Variants in CGB7 observed in about 807,000 individuals in gnomAD.
The protein encoded by CGB7 is chorionic gonadotropin subunit beta 7, also known as choriogonadotropin subunit beta 7.
CGB7 carries 6 observed loss-of-function variants against 7.3 expected under a neutral mutation model. The ratio of observed to expected loss-of-function variants is 0.82; its 90% CI spans 0.45 to 1.62. The LOEUF (loss-of-function observed/expected upper bound fraction) is 1.62, where lower values mean the gene tolerates loss of function less well. Among genes scored for constraint, CGB7 ranks in the 40% most tolerant of loss-of-function variants. CGB7 has a pLI of 0.01. For synonymous variants in CGB7, 47 were observed against 100.8 expected (o/e 0.47, Z 3.20); for missense variants, 114 against 236.2 (o/e 0.48, Z 3.39).
chr19:49,055,222 C>G, intron 3 of CGB7, 139 bp downstream of exon 3: 1 of 1,595,098 alleles, frequency 6.3e-7, no homozygotes, highest in Non-Finnish European at 8.5e-7. Context: ...CCCTCAGGAA[C>G]TGCCCCACGT....
rs1054201573 is a variant in CGB7 at position 49,055,560 on chromosome 19, G to C, written c.-185C>G. On this transcript the variant is annotated 5_prime_UTR_variant, in exon 3 of 5. Transcript: ENST00000684222. ...GGAGCACCCCAGTCCTCTCCCCTCA[G>C]TGGTCTAGCGCCAAGGATGAGGCGG... is the stretch of plus-strand genomic sequence containing the variant. 1.0e-4 allele frequency: 158 copies of C among 1,532,428 alleles called. 8 individuals carry two copies. In the South Asian group the frequency reaches 1.8e-3, roughly 18 times the overall value. 94.9% of individuals were successfully genotyped at this position (1,532,428 alleles called of 1,614,324 possible). A position where few individuals can be genotyped will look rare whatever the true frequency, so the allele number is the denominator to read the frequency against.
intron 3 of CGB7, 55 bp downstream of exon 3, chr19:49,055,306 T>C (rs1414131717): frequency 4.4e-6 from 7 of 1,608,576 alleles, no homozygotes; most frequent in South Asian, 2.2e-5. Flanking sequence ...CCCCTTCTCA[T>C]GCCAGTGATG....
At position 49,056,194 on chromosome 19, in the gene CGB7, A is replaced by G. The variant is rs1274169564; in HGVS notation, c.-819T>C. 8.7e-6 allele frequency: 11 copies of G among 1,271,220 alleles called. No individual in the cohort carries two copies. The highest frequency in any genetic ancestry group is 2.2e-4 in the Middle Eastern group (1 of 4,620). 78.7% of individuals were successfully genotyped at this position (1,271,220 alleles called of 1,614,324 possible). A position where few individuals can be genotyped will look rare whatever the true frequency, so the allele number is the denominator to read the frequency against. ...AGCCCACCTAGGTCCGACACCGCGT[A>G]GTGAGCGGCTGCCCAGAGCTCTGCT... On this transcript the variant is annotated 5_prime_UTR_variant, in exon 3 of 5. Coordinates refer to ENST00000684222, the MANE Select transcript of CGB7 (RefSeq NM_001385261.1).
rs529178424 is a variant in CGB7 at position 49,054,445 on chromosome 19, C to T, written c.344G>A (p.Arg115His). 1.1e-5 allele frequency: 17 copies of T among 1,594,274 alleles called. No homozygotes were observed. The highest frequency in any genetic ancestry group is 5.5e-5 in the African/African-American group (4 of 73,218). Reference sequence around the variant, plus strand: ...GGGACCCCCGCAGTCAGTGGTGCTGCGGCGGCAGAGTGCACATTGACAGCT... The same window carrying T: ...GGGACCCCCGCAGTCAGTGGTGCTGTGGCGGCAGAGTGCACATTGACAGCT... ...ALSCQCALCR[R>H]STTDCGGPKD... The change falls in exon 5 of 5, where the codon CGC becomes CAC. Residue 115 changes from arginine to histidine, a missense_variant. Physicochemically the swap from Arg to His is conservative, Grantham distance 29. Coordinates refer to ENST00000684222, the MANE Select transcript of CGB7 (RefSeq NM_001385261.1).
Position 49,055,733 on chromosome 19 carries a change from G to A in CGB7, c.-358C>T, listed in dbSNP as rs2040052014. 3.3e-6 allele frequency: 4 copies of A among 1,223,702 alleles called. No individual in the cohort carries two copies. The highest frequency in any genetic ancestry group is 4.1e-6 in the Non-Finnish European group (4 of 969,696). The allele number at this position is 1,223,702 out of a possible 1,614,324, so 75.8% of individuals were successfully genotyped here. ...AGGAGGAGGCCGTGACCCGAGAAAGGTGCTGGACTGAAGCCTCAACCCTCC... is the reference window on the plus strand; with the variant it reads ...AGGAGGAGGCCGTGACCCGAGAAAGATGCTGGACTGAAGCCTCAACCCTCC... On this transcript the variant is annotated 5_prime_UTR_variant, in exon 3 of 5. Transcript: ENST00000684222.
In CGB7 at chr19:49,056,156, C is replaced by G; in HGVS notation, c.-781G>C. On this transcript the variant is annotated 5_prime_UTR_variant, in exon 3 of 5. Coordinates refer to ENST00000684222, the MANE Select transcript of CGB7 (RefSeq NM_001385261.1). ...GTCCTGTCCCCACACTGCGGATAGA[C>G]TTAATGAGTGCGAGCCCACCTAGGT... 1 of 1,237,196 alleles carries G rather than the reference C, an allele frequency of 8.1e-7. No individual in the cohort carries two copies. Among genetic ancestry groups the G allele is most frequent in the Non-Finnish European group, 1.0e-6 (1 of 961,358 alleles). The allele number at this position is 1,237,196 out of a possible 1,614,324, so 76.6% of individuals were successfully genotyped here.
chr19:49,057,214 G>A lies in CGB7; in HGVS notation c.-1314C>T. On this transcript the variant is annotated 5_prime_UTR_variant, in exon 2 of 5. Transcript: ENST00000684222. ...GTCGGATACTGTGAAGGGTGGGCCA[G>A]ACAGCGCGGGGTTCTTCGTGCAGGC... 1 of 1,534,216 alleles carries A rather than the reference G, an allele frequency of 6.5e-7. No individual in the cohort carries two copies. The highest frequency in any genetic ancestry group is 1.2e-5 in the South Asian group (1 of 84,008).
Position 49,055,653 on chromosome 19 carries a change from C to T in CGB7, c.-278G>A. 7.2e-7 allele frequency: 1 copy of T among 1,394,264 alleles called. No homozygotes were observed. The highest frequency in any genetic ancestry group is 9.3e-7 in the Non-Finnish European group (1 of 1,072,912). 86.4% of individuals were successfully genotyped at this position (1,394,264 alleles called of 1,614,324 possible). A position where few individuals can be genotyped will look rare whatever the true frequency, so the allele number is the denominator to read the frequency against. Reference sequence around the variant, plus strand: ...TAGGGACTAGTCGAGGCTGGAGGCACAGAGAGTAGGGTGTAGGAAGGCCTG... The same window carrying T: ...TAGGGACTAGTCGAGGCTGGAGGCATAGAGAGTAGGGTGTAGGAAGGCCTG... On this transcript the variant is annotated 5_prime_UTR_variant, in exon 3 of 5. It adds an upstream start codon to the 5' untranslated region. Transcript: ENST00000684222.
chr19:49,055,522 G>T lies in CGB7; in HGVS notation c.-147C>A. On this transcript the variant is annotated 5_prime_UTR_variant, in exon 3 of 5. It adds an upstream start codon to the 5' untranslated region. Transcript: ENST00000684222. ...AAGTAGACAAGGCCAGGGAGGCACA[G>T]GAGTGGCTCAGCGGAGCACCCCAGT... 1.3e-6 allele frequency: 2 copies of T among 1,586,016 alleles called. No homozygotes were observed. Among genetic ancestry groups the T allele is most frequent in the East Asian group, 2.2e-5 (1 of 44,652 alleles).
chr19:49,055,293 C>T (rs553181387), intron 3 of CGB7, 68 bp downstream of exon 3: 4 of 1,608,472 alleles, frequency 2.5e-6, no homozygotes, highest in East Asian at 2.2e-5. Flanking sequence ...TCACACTGGT[C>T]TGCCCCTTCT....
At position 49,056,309 on chromosome 19, in the gene CGB7, T is replaced by C. The variant is rs1355090717; in HGVS notation, c.-934A>G. The C allele has an allele frequency of 1.5e-6, 2 of 1,293,334 alleles. No homozygotes were observed. Among genetic ancestry groups the C allele is most frequent in the East Asian group, 1.1e-4 (2 of 18,334 alleles). The allele number at this position is 1,293,334 out of a possible 1,614,324, so 80.1% of individuals were successfully genotyped here. A position where few individuals can be genotyped will look rare whatever the true frequency, so the allele number is the denominator to read the frequency against. On this transcript the variant is annotated 5_prime_UTR_variant, in exon 3 of 5. Transcript: ENST00000684222. ...CTTACAGCGGCCTGAGCGGGAGTTC[T>C]CGGTGCTGTAGGCTTTCGGGACGCT... is the stretch of plus-strand genomic sequence containing the variant.
chr19:49,056,708 C>T (rs1271088669), intron 2 of CGB7, 113 bp from the exon 3 acceptor site: 4 of 1,000,286 alleles, frequency 4.0e-6, no homozygotes, highest in Admixed American at 3.7e-5. Context: ...CAGGCGAGCA[C>T]CCCTTAGGAA....
chr19:49,055,644 C>A lies in CGB7; in HGVS notation c.-269G>T. 7.1e-7 allele frequency: 1 copy of A among 1,403,920 alleles called. No homozygotes were observed. Among genetic ancestry groups the A allele is most frequent in the East Asian group, 2.6e-5 (1 of 37,802 alleles). The allele number at this position is 1,403,920 out of a possible 1,614,324, so 87.0% of individuals were successfully genotyped here. On this transcript the variant is annotated 5_prime_UTR_variant, in exon 3 of 5. Coordinates refer to ENST00000684222, the MANE Select transcript of CGB7 (RefSeq NM_001385261.1). ...GTCGAGTGCTAGGGACTAGTCGAGG[C>A]TGGAGGCACAGAGAGTAGGGTGTAG...
At position 49,056,366 on chromosome 19, in the gene CGB7, C is replaced by T. The variant is rs888285129; in HGVS notation, c.-991G>A. 3.6e-4 allele frequency: 468 copies of T among 1,295,424 alleles called. No individual in the cohort carries two copies. The highest frequency in any genetic ancestry group is 4.5e-4 in the Non-Finnish European group (449 of 992,408). 80.2% of individuals were successfully genotyped at this position (1,295,424 alleles called of 1,614,324 possible). A position where few individuals can be genotyped will look rare whatever the true frequency, so the allele number is the denominator to read the frequency against. On this transcript the variant is annotated 5_prime_UTR_variant, in exon 3 of 5. Coordinates refer to ENST00000684222, the MANE Select transcript of CGB7 (RefSeq NM_001385261.1). ...GCCCGGCAGGGGCTTCCAGTGGGGG[C>T]CACCCCAAGTCGCCTCCAGCGGGCG...
intron 3 of CGB7, 69 bp from the exon 4 acceptor site, chr19:49,055,077 A>T: frequency 6.3e-7 from 1 of 1,598,050 alleles, no homozygotes. Context: ...CCCATCCCCC[A>T]GGGTACACCA....
At position 49,056,030 on chromosome 19, in the gene CGB7, G is replaced by A; in HGVS notation, c.-655C>T. ...AACTGATTATTGAATAGGCCCGCAG[G>A]AGGTGTGTCCTGCCCGCGGGGCCGC... On this transcript the variant is annotated 5_prime_UTR_variant, in exon 3 of 5. Coordinates refer to ENST00000684222, the MANE Select transcript of CGB7 (RefSeq NM_001385261.1). The A allele has an allele frequency of 8.6e-7, 1 of 1,159,468 alleles. No homozygotes were observed. Among genetic ancestry groups the A allele is most frequent in the Non-Finnish European group, 1.1e-6 (1 of 926,182 alleles). The allele number at this position is 1,159,468 out of a possible 1,614,324, so 71.8% of individuals were successfully genotyped here. A position where few individuals can be genotyped will look rare whatever the true frequency, so the allele number is the denominator to read the frequency against.
chr19:49,056,821 G>T (rs2040071176), intron 2 of CGB7, among the ~76,000 whole-genome samples: 1 of 152,292 alleles, frequency 6.6e-6, no homozygotes, highest in African/African-American at 2.4e-5. Context: ...GGGGGCTTTC[G>T]CTTCCTTGCG....
At chr19:49,054,735 C>T in intron 4 of CGB7, 106 bp downstream of exon 4, 1 of 1,301,066 alleles carries the variant, frequency 7.7e-7, no homozygotes, top group Non-Finnish European at 1.0e-6. Flanking sequence ...TCCCACACCC[C>T]ATTCCGCAGC....
At position 49,056,372 on chromosome 19, in the gene CGB7, C is replaced by A; in HGVS notation, c.-997G>T. 14 of 1,295,560 alleles carry A rather than the reference C, an allele frequency of 1.1e-5. No individual in the cohort carries two copies. The highest frequency in any genetic ancestry group is 1.4e-5 in the Non-Finnish European group (14 of 992,404). 80.3% of individuals were successfully genotyped at this position (1,295,560 alleles called of 1,614,324 possible). On this transcript the variant is annotated 5_prime_UTR_variant, in exon 3 of 5. Transcript: ENST00000684222. ...CAGGGGCTTCCAGTGGGGGCCACCC[C>A]AAGTCGCCTCCAGCGGGCGGAAGCG...
Sources: gnomAD v4.1 joint callset for allele counts (sites outside exome capture counted in the v4.1 genomes callset) on GRCh38, gnomAD v4.1.1 for gene constraint, MANE v1.5 for transcripts, NCBI Gene and HGNC (gene_info 2026-07-23, HGNC 2026-07-21) for gene names.